Variants in CDCA7L observed in about 807,000 individuals in gnomAD.
The protein encoded by CDCA7L is cell division cycle associated 7 like, also known as cell division cycle-associated 7-like protein.
In CDCA7L, 44 loss-of-function variants were observed where a neutral mutation model predicts 57.4. That is an observed-to-expected ratio of 0.77 (90% CI 0.60 to 0.98). The LOEUF (loss-of-function observed/expected upper bound fraction) is 0.98. Among genes scored for constraint, CDCA7L ranks in the 50% least tolerant of loss-of-function variants. The pLI, the probability that CDCA7L is intolerant of heterozygous loss-of-function variation, is 0.00. For synonymous variants in CDCA7L, 236 were observed against 202.8 expected, an observed-to-expected ratio of 1.16 and a Z score of -1.39; for missense variants, 644 against 580.6, an observed-to-expected ratio of 1.11 and a Z score of -1.12.
At chr7:21,919,826 A>C (rs1019474031) in intron 1 of CDCA7L, among the ~76,000 whole-genome samples, 4 of 152,202 alleles carry the variant, frequency 2.6e-5, no homozygotes, top group Non-Finnish European at 4.4e-5. Context: ...AGTGCAGTTC[A>C]AGATTTCTTT....
chr7:21,921,200 TA>T lies in CDCA7L; in HGVS notation c.25-4307del, dbSNP rs1785639023. On this transcript the variant is annotated intron_variant, in intron 1 of 9. Coordinates refer to ENST00000406877, the MANE Select transcript of CDCA7L (RefSeq NM_018719.5). ...TCTGCATCTGCTCCAGAGGTACCAT[TA>T]GGGGGCTATAATTACTGATTAGGAA... Among the ~76,000 whole-genome samples, 4 of 152,154 alleles carry T rather than the reference TA, an allele frequency of 2.6e-5. No homozygotes were observed. The South Asian group carries it at 8.3e-4, about 32-fold the overall frequency.
chr7:21,940,559 A>AG (rs1335271496), intron 1 of CDCA7L, among the ~76,000 whole-genome samples: 2 of 152,240 alleles, frequency 1.3e-5, no homozygotes, highest in Non-Finnish European at 2.9e-5. Context: ...AAATGTGATC[A>AG]GGGAAGTCAG....
chr7:21,903,015 A>C lies in CDCA7L; in HGVS notation c.1297T>G (p.Phe433Val). ...TCCTTAACATTGTCATAACCATAAA[A>C]CTTGGCCAGATGAATGAGGATTCCT... ...ATGILIHLAK[F>V]YGYDNVKEYL... is the part of the protein sequence containing the mutation. The change falls in exon 9 of 10, where the codon TTT (phenylalanine) becomes GTT (valine). Residue 433 changes from phenylalanine (F) to valine (V), a missense_variant. Coordinates refer to ENST00000406877, the MANE Select transcript of CDCA7L (RefSeq NM_018719.5). 6.2e-7 allele frequency: 1 copy of C among 1,613,762 alleles called. No homozygotes were observed.
intron 1 of CDCA7L, among the ~76,000 whole-genome samples, chr7:21,932,498 C>T (rs1583873040): frequency 6.6e-6 from 1 of 152,174 alleles, no homozygotes; most frequent in East Asian, 1.9e-4. Context: ...AATAACACCA[C>T]ACATCTACAG....
chr7:21,933,597 G>A (rs1173492177), intron 1 of CDCA7L, among the ~76,000 whole-genome samples: 2 of 152,106 alleles, frequency 1.3e-5, no homozygotes, highest in African/African-American at 4.8e-5. Context: ...GTTGGCAGGT[G>A]AACAATGAGA....
At chr7:21,934,244 C>G (rs1469104225) in intron 1 of CDCA7L, among the ~76,000 whole-genome samples, 1 of 152,104 alleles carries the variant, frequency 6.6e-6, no homozygotes, top group Admixed American at 6.5e-5. Context: ...GGATACACAA[C>G]ACATAAAGAT....
chr7:21,902,486 T>C (rs922868539), intron 9 of CDCA7L, 134 bp from the exon 10 acceptor site: 5 of 843,854 alleles, frequency 5.9e-6, no homozygotes, highest in African/African-American at 1.7e-5. Context: ...ATCCTGACAA[T>C]TTATGCATCA....
intron 3 of CDCA7L, 130 bp from the exon 4 acceptor site, chr7:21,908,637 G>A: frequency 2.0e-6 from 2 of 1,005,712 alleles, no homozygotes; most frequent in Non-Finnish European, 1.4e-6. Context: ...TTCATATTAT[G>A]AGTTCCCTCT....
chr7:21,945,112 TG>T (rs532889203), intron 1 of CDCA7L, among the ~76,000 whole-genome samples: 226 of 152,222 alleles, frequency 1.5e-3, no homozygotes, highest in Non-Finnish European at 2.3e-3. Flanking sequence ...CTGAAACGTT[TG>T]GGGGAACTTA....
At chr7:21,920,424 T>G (rs1785615466) in intron 1 of CDCA7L, among the ~76,000 whole-genome samples, 1 of 152,240 alleles carries the variant, frequency 6.6e-6, no homozygotes, top group Non-Finnish European at 1.5e-5. Context: ...ATCCTTATTT[T>G]AATGCTTCTT....
rs1351571034 is a variant in CDCA7L at position 21,908,331 on chromosome 7, G to A, written c.480C>T (p.Asn160=). The change falls in exon 4 of 10, where the codon AAC becomes AAT. Residue 160 remains asparagine (N), a synonymous_variant. Transcript: ENST00000406877. ...TKKLANKPDK[N]SSSEQLFSSA... ...TAGAAAACAACTGCTCGGAAGAACT[G>A]TTTTTATCTGGTTTGTTGGCCAGCT... 6.2e-7 allele frequency: 1 copy of A among 1,608,326 alleles called. No homozygotes were observed.
intron 1 of CDCA7L, among the ~76,000 whole-genome samples, chr7:21,939,278 C>T (rs1326402413): frequency 6.6e-6 from 1 of 151,996 alleles, no homozygotes; most frequent in Non-Finnish European, 1.5e-5. Context: ...TCAGTGATGG[C>T]GGCACAACAT....
In CDCA7L at chr7:21,904,263, C is replaced by CAG. The variant is rs1562619818; in HGVS notation, c.1048-6_1048-5dup. 6.3e-7 allele frequency: 1 copy of CAG among 1,596,396 alleles called. No individual in the cohort carries two copies. Among genetic ancestry groups the CAG allele is most frequent in the East Asian group, 2.2e-5 (1 of 44,672 alleles). ...GACACTGATGGCACGTGTTACCCTA[C>CAG]AGGGGGAAGGCAGTGAGCAGGTGAA... On this transcript the variant is annotated splice_polypyrimidine_tract_variant and splice_region_variant and intron_variant, in intron 7 of 9. Coordinates refer to ENST00000406877, the MANE Select transcript of CDCA7L (RefSeq NM_018719.5).
chr7:21,906,164 G>T, intron 6 of CDCA7L, 125 bp downstream of exon 6: 1 of 850,460 alleles, frequency 1.2e-6, no homozygotes, highest in Non-Finnish European at 1.8e-6. Flanking sequence ...AGAGAGAAAT[G>T]CAAGTTCTCA....
intron 1 of CDCA7L, among the ~76,000 whole-genome samples, chr7:21,937,100 A>G (rs1310467817): frequency 6.6e-6 from 1 of 152,172 alleles, no homozygotes; most frequent in Non-Finnish European, 1.5e-5. Context: ...AAAAAGGCGA[A>G]AAAAGCCTTG....
chr7:21,924,829 T>A (rs1049680087), intron 1 of CDCA7L, among the ~76,000 whole-genome samples: 1 of 152,204 alleles, frequency 6.6e-6, no homozygotes, highest in Non-Finnish European at 1.5e-5. Flanking sequence ...GGAGAAAATA[T>A]CTGCAAATGC....
At position 21,906,395 on chromosome 7, in the gene CDCA7L, G is replaced by T. The variant is rs770728898; in HGVS notation, c.815C>A (p.Thr272Asn). ...EGQITRRMNP[T>N]RSARPPEKFA... ...CTTCTCAGGAGGCCGCGCACTCCGG[G>T]TTGGGTTCATACGCCGCGTGATCTG... Residue 272 changes from threonine to asparagine, a missense_variant, in exon 6 of 10, where the codon ACC becomes AAC. Thr to Asn is a moderately conservative substitution (Grantham distance 65, BLOSUM62 0). Transcript: ENST00000406877. 7 of 1,613,842 alleles carry T rather than the reference G, an allele frequency of 4.3e-6. No individual in the cohort carries two copies. In the East Asian group the frequency reaches 1.6e-4, roughly 36 times the overall value.
At chr7:21,911,999 ACC>A (rs1785345659) in intron 2 of CDCA7L, among the ~76,000 whole-genome samples, 1 of 151,388 alleles carries the variant, frequency 6.6e-6, no homozygotes, top group South Asian at 2.1e-4. Context: ...ACAGTGGCTC[ACC>A]CTGTAATCCC....
rs767651522 is a variant in CDCA7L at position 21,908,168 on chromosome 7, G to T, written c.643C>A (p.Leu215Met). The T allele has an allele frequency of 6.3e-6, 10 of 1,581,254 alleles. No homozygotes were observed. In the African/African-American group the frequency reaches 1.1e-4, roughly 17 times the overall value. Residue 215 changes from leucine (L) to methionine (M), a missense_variant, in exon 4 of 10, where the codon CTG becomes ATG. Leu to Met is a conservative substitution (Grantham distance 15). Coordinates refer to ENST00000406877, the MANE Select transcript of CDCA7L (RefSeq NM_018719.5). Reference protein sequence around the residue: ...DESQESSDALLKRTMNIKENK... With the variant: ...DESQESSDALMKRTMNIKENK... ...TCCTTGATGTTCATGGTCCTTTTCA[G>T]CAAAGCATCTGAACTCTCCTGGCTC...
Sources: allele counts gnomAD v4.1 joint callset (sites outside exome capture counted in the v4.1 genomes callset), GRCh38; gene constraint gnomAD v4.1.1; transcripts MANE v1.5; gene names NCBI Gene and HGNC (gene_info 2026-07-23, HGNC 2026-07-21).